The following ADAMTSL3 variants were observed in gnomAD, a reference collection of about 807,000 sequenced individuals.
ADAMTSL3 encodes the protein ADAMTS like 3.
A neutral mutation model predicts 201.7 loss-of-function variants in ADAMTSL3; 128 were observed. That is an observed-to-expected ratio of 0.63 (90% confidence interval 0.55 to 0.73). ADAMTSL3 has a LOEUF of 0.73. Ranked by LOEUF, ADAMTSL3 falls within the 30% of genes least tolerant of loss-of-function variation. The pLI is 0.00. For missense variants in ADAMTSL3, 1,990 were observed against 2,119.6 expected (o/e 0.94, Z 1.20); for synonymous variants, 738 against 748.4 (o/e 0.99, Z 0.23).
intron 27 of ADAMTSL3, among the ~76,000 whole-genome samples, chr15:84,027,634 C>T (rs937787821): frequency 2.3e-4 from 35 of 151,960 alleles, no homozygotes; most frequent in African/African-American, 8.0e-4. Context: ...GGTGTGAACC[C>T]GGGAGGCAGG....
At chr15:83,974,998 CTTTTTTTTTTT>C (rs35557833) in intron 20 of ADAMTSL3, among the ~76,000 whole-genome samples, 1 of 96,150 alleles carries the variant, frequency 1.0e-5, no homozygotes, top group Non-Finnish European at 2.0e-5. Flanking sequence ...CAGCCTGCGT[CTTTTTTTTTTT>C]TTTTTTTTTT....
In ADAMTSL3 at chr15:83,983,069, T is replaced by C. The variant is rs1200272088; in HGVS notation, c.3441T>C (p.Pro1147=). 3.7e-6 allele frequency: 6 copies of C among 1,614,144 alleles called. No homozygotes were observed. Among genetic ancestry groups the C allele is most frequent in the Non-Finnish European group, 4.2e-6 (5 of 1,180,028 alleles). The stretch of plus-strand genomic sequence containing the variant: ...GGGGCATCCAGGAAGAGACACCTCC[T>C]GCTGCTCAGCTCAGAGGGGAAACAG... The part of the protein sequence containing the change: ...QWRGIQEETP[P]AAQLRGETGS... The change falls in exon 21 of 30, where the codon CCT becomes CCC. Residue 1147 remains proline, a synonymous_variant. Coordinates refer to ENST00000286744, the MANE Select transcript of ADAMTSL3 (RefSeq NM_207517.3).
chr15:83,916,037 A>C (rs1406674989), intron 16 of ADAMTSL3, among the ~76,000 whole-genome samples: 3 of 152,198 alleles, frequency 2.0e-5, no homozygotes, highest in African/African-American at 7.2e-5. Flanking sequence ...CTTTGAATCC[A>C]TTTAAAACAT....
Position 83,942,694 on chromosome 15 carries a change from C to G in ADAMTSL3, c.2216C>G (p.Pro739Arg), listed in dbSNP as rs1368113715. ...CTGCACCCAGGGGAGACCCCTGCCC[C>G]TCCTGAGGAGTGCCGAGATGAAAAG... ...YCLHPGETPA[P>R]PEECRDEKPH... Residue 739 changes from proline (P) to arginine (R), a missense_variant, in exon 18 of 30, where the codon CCT becomes CGT. Coordinates refer to ENST00000286744, the MANE Select transcript of ADAMTSL3 (RefSeq NM_207517.3). The G allele has an allele frequency of 6.2e-7, 1 of 1,614,018 alleles. No individual in the cohort carries two copies. Among genetic ancestry groups the G allele is most frequent in the Non-Finnish European group, 8.5e-7 (1 of 1,180,004 alleles).
intron 24 of ADAMTSL3, 31 bp downstream of exon 24, chr15:84,014,755 T>G (rs1316713382): frequency 6.3e-7 from 1 of 1,580,216 alleles, no homozygotes. Flanking sequence ...GCTCCTTAAG[T>G]GCCTCCTGTA....
At chr15:83,665,558 T>C (rs2061238125) in intron 2 of ADAMTSL3, among the ~76,000 whole-genome samples, 1 of 152,182 alleles carries the variant, frequency 6.6e-6, no homozygotes, top group African/African-American at 2.4e-5. Context: ...AGAAAAAACT[T>C]AGGCAGTGTT....
At chr15:83,804,903 G>C (rs958890218) in intron 5 of ADAMTSL3, among the ~76,000 whole-genome samples, 6 of 152,010 alleles carry the variant, frequency 3.9e-5, no homozygotes, top group Admixed American at 2.0e-4. Flanking sequence ...GATCTAATTT[G>C]GTAAGTATTT....
intron 15 of ADAMTSL3, among the ~76,000 whole-genome samples, chr15:83,905,733 C>T (rs923821768): frequency 3.9e-5 from 6 of 152,164 alleles, no homozygotes; most frequent in African/African-American, 1.4e-4. Flanking sequence ...CTAATTGTCT[C>T]ATTGGACATA....
At chr15:83,729,380 A>G (rs748855659) in intron 3 of ADAMTSL3, among the ~76,000 whole-genome samples, 6 of 152,074 alleles carry the variant, frequency 3.9e-5, no homozygotes, top group Admixed American at 2.0e-4. Flanking sequence ...TTTAACACCA[A>G]TAACTCTTAG....
chr15:83,919,591 AT>A (rs1259481187), intron 16 of ADAMTSL3, among the ~76,000 whole-genome samples: 1 of 151,818 alleles, frequency 6.6e-6, no homozygotes, highest in Non-Finnish European at 1.5e-5. Context: ...AATAGAGGGG[AT>A]TTTTTTTGCA....
intron 23 of ADAMTSL3, among the ~76,000 whole-genome samples, chr15:84,008,109 G>T (rs1193181851): frequency 1.3e-5 from 2 of 152,050 alleles, no homozygotes; most frequent in Non-Finnish European, 2.9e-5. Context: ...CAGTTGTCAG[G>T]TTTGTTTGTT....
intron 4 of ADAMTSL3, among the ~76,000 whole-genome samples, chr15:83,774,800 G>T (rs1181128033): frequency 3.3e-5 from 5 of 151,666 alleles, no homozygotes; most frequent in Middle Eastern, 6.4e-3. Flanking sequence ...TATTTATTCT[G>T]CCAAGGAGGC....
intron 15 of ADAMTSL3, among the ~76,000 whole-genome samples, chr15:83,900,342 G>C (rs1445359442): frequency 6.6e-6 from 1 of 152,140 alleles, no homozygotes; most frequent in East Asian, 1.9e-4. Context: ...TGATGGATCT[G>C]GATTGTAACA....
chr15:83,974,873 G>A (rs2067255535), intron 20 of ADAMTSL3, among the ~76,000 whole-genome samples: 1 of 152,086 alleles, frequency 6.6e-6, no homozygotes, highest in African/African-American at 2.4e-5. Flanking sequence ...GAGGAACCCA[G>A]GCATGCCCTA....
intron 12 of ADAMTSL3, among the ~76,000 whole-genome samples, 166 bp from the exon 13 acceptor site, chr15:83,892,508 TGACAGAGCGA>T (rs1258472624): frequency 6.6e-6 from 1 of 152,142 alleles, no homozygotes; most frequent in Non-Finnish European, 1.5e-5. Context: ...CCAGCCTGGG[TGACAGAGCGA>T]GACTCTGTCT....
At chr15:83,743,482 C>T (rs1026653935) in intron 3 of ADAMTSL3, among the ~76,000 whole-genome samples, 14 of 143,498 alleles carry the variant, frequency 9.8e-5, no homozygotes, top group East Asian at 4.1e-4. Flanking sequence ...CACTGCAGTC[C>T]GCAGTCCGGC....
chr15:84,026,546 C>T (rs892178370), intron 27 of ADAMTSL3, among the ~76,000 whole-genome samples: 14 of 152,248 alleles, frequency 9.2e-5, no homozygotes, highest in African/African-American at 3.4e-4. Flanking sequence ...GATTTCAAAA[C>T]TTACCAAAAA....
intron 9 of ADAMTSL3, among the ~76,000 whole-genome samples, chr15:83,877,505 G>A (rs2065198417): frequency 6.6e-6 from 1 of 152,168 alleles, no homozygotes; most frequent in Admixed American, 6.5e-5. Flanking sequence ...GATATCTACT[G>A]TAGCATTAAA....
intron 23 of ADAMTSL3, among the ~76,000 whole-genome samples, chr15:84,002,247 G>C (rs548400914): frequency 1.3e-5 from 2 of 152,244 alleles, no homozygotes; most frequent in South Asian, 4.1e-4. Flanking sequence ...TCAAATTTCA[G>C]ACTTCATTGC....
Sources: allele counts gnomAD v4.1 joint callset (sites outside exome capture counted in the v4.1 genomes callset), GRCh38; gene constraint gnomAD v4.1.1; transcripts MANE v1.5; gene names NCBI Gene and HGNC (gene_info 2026-07-23, HGNC 2026-07-21).